The following PDE4D variants were observed in gnomAD, a reference collection of about 807,000 sequenced individuals.
PDE4D encodes the protein 3',5'-cyclic-AMP phosphodiesterase 4D.
PDE4D carries 24 observed loss-of-function variants against 87.4 expected under a neutral mutation model. The observed-to-expected ratio is 0.27, with a 90% CI of 0.20 to 0.39. The LOEUF is 0.39. PDE4D is among the 10% of genes least tolerant of loss of function. PDE4D has a pLI of 1.00. For missense variants in PDE4D, 714 were observed against 1,041.0 expected (o/e 0.69, Z 4.32); for synonymous variants, 384 against 383.2 (o/e 1.00, Z -0.02).
intron 1 of PDE4D, among the ~76,000 whole-genome samples, chr5:59,740,732 G>GC (rs1758717568): frequency 6.6e-6 from 1 of 152,126 alleles, no homozygotes; most frequent in Non-Finnish European, 1.5e-5. Flanking sequence ...ACAGCACTTT[G>GC]CACTGAAGAG....
At chr5:59,096,418 G>A (rs1020056400) in intron 5 of PDE4D, among the ~76,000 whole-genome samples, 1 of 152,114 alleles carries the variant, frequency 6.6e-6, no homozygotes, top group African/African-American at 2.4e-5. Context: ...TGTTATGAAG[G>A]TCCAGCATTT....
At position 59,952,075 on chromosome 5, in the gene PDE4D, A is replaced by G. The variant is rs569080662; in HGVS notation, c.272+36413T>C. Reference sequence around the variant, plus strand: ...CTGGATCATGGGGGCAGTTTCCCCCATCCGGCTCTTGTGATAGTGAGTGAA... The same window carrying G: ...CTGGATCATGGGGGCAGTTTCCCCCGTCCGGCTCTTGTGATAGTGAGTGAA... On this transcript the variant is annotated intron_variant, in intron 3 of 16. Transcript: ENST00000502484. Among the ~76,000 whole-genome samples the G allele has an allele frequency of 1.4e-3, 217 of 152,242 alleles. 2 individuals are homozygous for G. Among genetic ancestry groups the G allele is most frequent in the African/African-American group, 5.1e-3 (212 of 41,546 alleles).
At position 60,206,156 on chromosome 5, in the gene PDE4D, C is replaced by T. The variant is rs1010358263; in HGVS notation, c.-89-20469G>A. On this transcript the variant is annotated intron_variant, in intron 1 of 16. Transcript: ENST00000502484. Reference sequence around the variant, plus strand: ...ACTTTGACTTATCTCATCCAAAAGACGGACTTGCAATGTAACCCCTGATTT... The same window carrying T: ...ACTTTGACTTATCTCATCCAAAAGATGGACTTGCAATGTAACCCCTGATTT... Among the ~76,000 whole-genome samples, 18 of 152,160 alleles carry T rather than the reference C, an allele frequency of 1.2e-4. 1 individual carries two copies. Among genetic ancestry groups the T allele is most frequent in the African/African-American group, 4.1e-4 (17 of 41,426 alleles).
intron 5 of PDE4D, among the ~76,000 whole-genome samples, chr5:59,171,962 T>C (rs1256460014): frequency 1.9e-5 from 2 of 106,974 alleles, no homozygotes; most frequent in African/African-American, 3.8e-5. Flanking sequence ...ATTATATTTA[T>C]ATATTATATA....
chr5:59,942,133 G>C (rs1757254282), intron 3 of PDE4D, among the ~76,000 whole-genome samples: 1 of 152,302 alleles, frequency 6.6e-6, no homozygotes, highest in Non-Finnish European at 1.5e-5. Flanking sequence ...CTTTCTTATT[G>C]AATTTTCATA....
intron 1 of PDE4D, among the ~76,000 whole-genome samples, chr5:59,253,718 CAAGTT>C (rs1013322403): frequency 6.6e-6 from 1 of 151,920 alleles, no homozygotes; most frequent in African/African-American, 2.4e-5. Flanking sequence ...TAGGCAAAGT[CAAGTT>C]ATTTTTCAAA....
chr5:59,696,862 G>A (rs1346137998), intron 1 of PDE4D, among the ~76,000 whole-genome samples: 1 of 152,088 alleles, frequency 6.6e-6, no homozygotes, highest in Non-Finnish European at 1.5e-5. Context: ...ACAACAGAAA[G>A]TATCTGTTGA....
intron 1 of PDE4D, among the ~76,000 whole-genome samples, chr5:59,645,002 T>A (rs941800904): frequency 2.6e-5 from 4 of 152,226 alleles, no homozygotes; most frequent in Non-Finnish European, 5.9e-5. Flanking sequence ...ATTCAATGAC[T>A]GGAGTGATTT....
At chr5:59,393,989 G>C (rs973037530) in intron 1 of PDE4D, among the ~76,000 whole-genome samples, 6 of 152,190 alleles carry the variant, frequency 3.9e-5, no homozygotes, top group Non-Finnish European at 8.8e-5. Context: ...TGTCACTAGA[G>C]CCATTGTACT....
At chr5:60,399,640 C>A (rs1032775003) in intron 1 of PDE4D, among the ~76,000 whole-genome samples, 1 of 152,234 alleles carries the variant, frequency 6.6e-6, no homozygotes, top group Non-Finnish European at 1.5e-5. Context: ...TTCATCCTGG[C>A]AACTGTGGTG....
In PDE4D at chr5:60,071,037, ATTTCT is replaced by A. The variant is rs140564984; in HGVS notation, c.43-82325_43-82321del. Among the ~76,000 whole-genome samples the A allele has an allele frequency of 3.8e-3, 577 of 150,550 alleles. 2 individuals are homozygous for A. Among genetic ancestry groups the A allele is most frequent in the African/African-American group, 0.013 (543 of 41,036 alleles). ...CATCATTTGTGATTTCTCTTCTTTC[ATTTCT>A]GATTTTTTTATTTGAGGCATCGCTC... On this transcript the variant is annotated intron_variant, in intron 2 of 16. Transcript: ENST00000502484.
At chr5:60,516,059 C>T (rs1055881284) in intron 1 of PDE4D, among the ~76,000 whole-genome samples, 5 of 152,136 alleles carry the variant, frequency 3.3e-5, no homozygotes, top group Admixed American at 1.3e-4. Context: ...CCAGGTATTT[C>T]GCAGCTATAC....
chr5:59,656,869 T>C (rs866937723), intron 1 of PDE4D, among the ~76,000 whole-genome samples: 3 of 152,212 alleles, frequency 2.0e-5, no homozygotes, highest in African/African-American at 7.2e-5. Flanking sequence ...AGTATTAACA[T>C]AGCAAATGGT....
chr5:59,764,651 CTTTTTT>C (rs1177876033), intron 1 of PDE4D, among the ~76,000 whole-genome samples: 1 of 123,362 alleles, frequency 8.1e-6, no homozygotes, highest in Non-Finnish European at 1.6e-5. Context: ...AGAGAAGTCC[CTTTTTT>C]TTTTTTTTTT....
chr5:59,329,234 C>T (rs116477988), intron 1 of PDE4D, among the ~76,000 whole-genome samples: 30 of 152,098 alleles, frequency 2.0e-4, no homozygotes, highest in African/African-American at 5.1e-4. Context: ...AAGTCTCGGG[C>T]TGTTCTTATC....
intron 1 of PDE4D, among the ~76,000 whole-genome samples, chr5:60,350,353 A>T (rs1398687290): frequency 6.6e-6 from 1 of 152,106 alleles, no homozygotes; most frequent in African/African-American, 2.4e-5. Context: ...TTCTTCTAGG[A>T]CCTCAACTTT....
chr5:59,768,663 G>T, intron 1 of PDE4D: 3 of 1,494,388 alleles, frequency 2.0e-6, no homozygotes, highest in Non-Finnish European at 8.8e-7. Context: ...CTGGGGCTGG[G>T]TGCAGAGGAG....
At chr5:59,015,250 A>T (rs1361359456) in intron 6 of PDE4D, among the ~76,000 whole-genome samples, 1 of 152,068 alleles carries the variant, frequency 6.6e-6, no homozygotes, top group Non-Finnish European at 1.5e-5. Flanking sequence ...AAGCAATGGC[A>T]ACAAGAGCCA....
intron 3 of PDE4D, among the ~76,000 whole-genome samples, chr5:59,970,487 C>T (rs1205245010): frequency 6.6e-6 from 1 of 152,116 alleles, no homozygotes; most frequent in African/African-American, 2.4e-5. Flanking sequence ...CCAGAATCTA[C>T]AATGAACTTA....
Sources: allele counts gnomAD v4.1 joint callset (sites outside exome capture counted in the v4.1 genomes callset), GRCh38; gene constraint gnomAD v4.1.1; transcripts MANE v1.5; gene names NCBI Gene and HGNC (gene_info 2026-07-23, HGNC 2026-07-21).